Variants in TAAR2 observed in about 807,000 individuals in gnomAD.
TAAR2 encodes the protein trace amine-associated receptor 2.
TAAR2 carries 30 observed loss-of-function variants against 25.5 expected under a neutral mutation model. That is an observed-to-expected ratio of 1.18 (90% CI 0.88 to 1.60). The LOEUF (loss-of-function observed/expected upper bound fraction) is 1.60. Ranked by LOEUF, TAAR2 falls within the 40% of genes most tolerant of loss-of-function variation. The probability of loss-of-function intolerance (pLI) is 0.00; values close to 1 mark genes in which losing one functional copy is unlikely to be tolerated. For missense variants in TAAR2, 481 were observed against 416.5 expected (o/e 1.15, Z -1.35); for synonymous variants, 150 against 142.4 (o/e 1.05, Z -0.38).
chr6:132,624,247 A>G lies in TAAR2; in HGVS notation c.29T>C (p.Leu10Pro), dbSNP rs2114615224. MAVSSEQHELSHFKRTQTKK... is the reference protein window; with the variant it reads MAVSSEQHEPSHFKRTQTKK... ...TGTCTGTGTTCTTTTGAAATGTGAA[A>G]GTTCATGTTGCTCTGATGAGACAGC... is the stretch of plus-strand genomic sequence containing the variant. Residue 10 changes from leucine to proline, a missense_variant, in exon 1 of 2, where the codon CTT becomes CCT. By Grantham distance (98) the Leu-to-Pro change is moderately conservative. Transcript: ENST00000367931. 1 of 1,613,550 alleles carries G rather than the reference A, an allele frequency of 6.2e-7. No homozygotes were observed. Among genetic ancestry groups the G allele is most frequent in the Non-Finnish European group, 8.5e-7 (1 of 1,179,698 alleles).
rs535624891 is a variant in TAAR2, at chr6:132,620,335, A to G, written c.61-2190T>C. ...ATATCTGCCACCTGGGTGATTGCAT[A>G]CCACAAAATAGAAACACTACCAAAC... On this transcript the variant is annotated intron_variant, in intron 1 of 1. Transcript: ENST00000367931. Among the ~76,000 whole-genome samples the G allele has an allele frequency of 7.2e-5, 11 of 152,326 alleles. No homozygotes were observed. In the East Asian group the frequency reaches 2.1e-3, roughly 29 times the overall value.
At chr6:132,624,138 G>A in intron 1 of TAAR2, 78 bp downstream of exon 1, 1 of 1,331,748 alleles carries the variant, frequency 7.5e-7, no homozygotes, top group Non-Finnish European at 1.1e-6. Flanking sequence ...TATTATCTTT[G>A]TAAATAATTC....
intron 1 of TAAR2, among the ~76,000 whole-genome samples, chr6:132,619,717 C>G (rs535929819): frequency 6.6e-6 from 1 of 152,098 alleles, no homozygotes; most frequent in East Asian, 1.9e-4. Context: ...GATCACCTGA[C>G]CAAAAAGAGA....
intron 1 of TAAR2, among the ~76,000 whole-genome samples, chr6:132,623,034 C>G (rs1777394904): frequency 6.6e-6 from 1 of 152,126 alleles, no homozygotes; most frequent in Non-Finnish European, 1.5e-5. Context: ...TTCTTTCCCT[C>G]CCTCCTTCCT....
chr6:132,620,099 T>A (rs1041996830), intron 1 of TAAR2, among the ~76,000 whole-genome samples: 6 of 152,206 alleles, frequency 3.9e-5, no homozygotes, highest in Non-Finnish European at 8.8e-5. Context: ...ATTTGGGTAA[T>A]GATTTTTTTA....
At chr6:132,619,840 G>A (rs1777351408) in intron 1 of TAAR2, among the ~76,000 whole-genome samples, 1 of 152,180 alleles carries the variant, frequency 6.6e-6, no homozygotes, top group South Asian at 2.1e-4. Flanking sequence ...CAATGGGTGA[G>A]TAGGATTTGA....
intron 1 of TAAR2, among the ~76,000 whole-genome samples, chr6:132,623,746 A>T (rs1777408210): frequency 6.6e-6 from 1 of 152,096 alleles, no homozygotes; most frequent in Admixed American, 6.6e-5. Flanking sequence ...GTCATTCAAA[A>T]GTTTAACAGC....
At chr6:132,620,795 ATAAAAATAAAAGTTAAAAAACACACAT>A (rs1777360893) in intron 1 of TAAR2, among the ~76,000 whole-genome samples, 1 of 116,222 alleles carries the variant, frequency 8.6e-6, no homozygotes, top group Non-Finnish European at 1.7e-5. Context: ...TTAAAAAAAC[ATAAAAATAAAAGTTAAAAAACACACAT>A]TAAAAAGTAG....
In TAAR2 at chr6:132,617,739, G is replaced by T. The variant is rs373440827; in HGVS notation, c.467C>A (p.Thr156Asn). The change falls in exon 2 of 2, where the codon ACT (threonine) becomes AAT (asparagine). Residue 156 changes from threonine to asparagine, a missense_variant. Coordinates refer to ENST00000367931, the MANE Select transcript of TAAR2 (RefSeq NM_001033080.1). ...CYPLLYSTKI[T>N]IPVIKRLLLL... ...TAGCAATCTTTTAATGACTGGAATA[G>T]TTATTTTGGTGGAATAAAGTAATGG... The T allele has an allele frequency of 1.6e-5, 26 of 1,614,010 alleles. No individual in the cohort carries two copies. The highest frequency in any genetic ancestry group is 2.2e-5 in the Non-Finnish European group (26 of 1,179,984).
chr6:132,619,973 C>A (rs1165904298), intron 1 of TAAR2, among the ~76,000 whole-genome samples: 1 of 152,136 alleles, frequency 6.6e-6, no homozygotes, highest in African/African-American at 2.4e-5. Context: ...AGAGAGAATA[C>A]AAGGTGGAGG....
chr6:132,619,105 C>T lies in TAAR2; in HGVS notation c.61-960G>A, dbSNP rs576233561. 8.5e-5 allele frequency among the ~76,000 whole-genome samples: 13 copies of T among 152,306 alleles called. No homozygotes were observed. In the South Asian group the frequency reaches 2.7e-3, roughly 32 times the overall value. ...GCACAGACCAAAGCTGGACCACCCTCAGTTACTTGTGAAGAGCAAGTGTAA... is the reference window on the plus strand; with the variant it reads ...GCACAGACCAAAGCTGGACCACCCTTAGTTACTTGTGAAGAGCAAGTGTAA... On this transcript the variant is annotated intron_variant, in intron 1 of 1. Transcript: ENST00000367931.
At position 132,617,524 on chromosome 6, in the gene TAAR2, T is replaced by A; in HGVS notation, c.682A>T (p.Ile228Phe). The A allele has an allele frequency of 6.2e-7, 1 of 1,613,604 alleles. No homozygotes were observed. The change falls in exon 2 of 2, where the codon ATT becomes TTT. Residue 228 changes from isoleucine to phenylalanine, a missense_variant. Physicochemically the swap from Ile to Phe is conservative, Grantham distance 21 (BLOSUM62 0). Transcript: ENST00000367931. ...FFTPGSMMVG[I>F]YGKIFAVSRK... ...GATACTGCAAAAATTTTGCCATAAA[T>A]CCCCACCATCATAGACCCAGGAGTG...
Position 132,617,260 on chromosome 6 carries a change from C to T in TAAR2, c.946G>A (p.Gly316Ser). 1 of 1,613,588 alleles carries T rather than the reference C, an allele frequency of 6.2e-7. No homozygotes were observed. The highest frequency in any genetic ancestry group is 1.7e-5 in the Admixed American group (1 of 59,966). ...FNSTCNPLIY[G>S]FFYPWFRRAL... ...CTGCGAAACCAGGGATAGAAGAAACCATATATTAACGGATTACATGTGGAG... is the reference window on the plus strand; with the variant it reads ...CTGCGAAACCAGGGATAGAAGAAACTATATATTAACGGATTACATGTGGAG... Residue 316 changes from glycine to serine, a missense_variant, in exon 2 of 2, where the codon GGT (glycine) becomes AGT (serine). Transcript: ENST00000367931.
chr6:132,624,218 T>A lies in TAAR2; in HGVS notation c.58A>T (p.Lys20Ter). 1 of 1,613,458 alleles carries A rather than the reference T, an allele frequency of 6.2e-7. No homozygotes were observed. The highest frequency in any genetic ancestry group is 1.1e-5 in the South Asian group (1 of 91,072). The change falls in exon 1 of 2, where the codon AAG (lysine) becomes TAG (stop). Residue 20 changes from lysine (K) to a stop codon, truncating the protein, a stop_gained and splice_region_variant. Transcript: ENST00000367931. LOFTEE classifies it high-confidence loss of function. Reference protein sequence around the residue: ...LSHFKRTQTKKEKFNCSEYGN... With the variant: ...LSHFKRTQTK ...TAGTCATATGTTTAAGGGCCTACCT[T>A]TTTTGTCTGTGTTCTTTTGAAATGT...
intron 1 of TAAR2, among the ~76,000 whole-genome samples, chr6:132,621,836 A>G (rs1445714164): frequency 1.3e-5 from 2 of 152,156 alleles, no homozygotes; most frequent in Non-Finnish European, 2.9e-5. Flanking sequence ...TATTTGATGA[A>G]TTCATCAAAT....
Position 132,617,863 on chromosome 6 carries a change from A to C in TAAR2, c.343T>G (p.Phe115Val), listed in dbSNP as rs1412951041. Residue 115 changes from phenylalanine to valine, a missense_variant, in exon 2 of 2, where the codon TTT becomes GTT. Coordinates refer to ENST00000367931, the MANE Select transcript of TAAR2 (RefSeq NM_001033080.1). ...VENCWYFGLT[F>V]CKIYYSFDLM... The stretch of plus-strand genomic sequence containing the variant: ...TCAAAACTATAATAAATCTTGCAAA[A>C]TGTAAGCCCAAAATACCAGCAGTTC... 1 of 1,614,104 alleles carries C rather than the reference A, an allele frequency of 6.2e-7. No individual in the cohort carries two copies.
intron 1 of TAAR2, among the ~76,000 whole-genome samples, chr6:132,621,909 G>A (rs534635190): frequency 1.3e-5 from 2 of 152,036 alleles, no homozygotes; most frequent in Non-Finnish European, 2.9e-5. Context: ...GTTCTTTCAT[G>A]TGACATCTAT....
intron 1 of TAAR2, among the ~76,000 whole-genome samples, chr6:132,620,942 T>A (rs1162214797): frequency 1.3e-5 from 2 of 151,686 alleles, no homozygotes; most frequent in African/African-American, 4.8e-5. Flanking sequence ...TCCCTCTTGG[T>A]ACTAAGGTTT....
Position 132,623,147 on chromosome 6 carries a change from GA to G in TAAR2, c.60+1068del, listed in dbSNP as rs145898282. On this transcript the variant is annotated intron_variant, in intron 1 of 1. Transcript: ENST00000367931. ...GAAAAAGAGGAAATGGGATTGTAAG[GA>G]AAAAGGCCAGGTAACTGTCAATACT... Among the ~76,000 whole-genome samples, 1,501 of 152,202 alleles carry G rather than the reference GA, an allele frequency of 9.9e-3. 29 individuals carry two copies. Among genetic ancestry groups the G allele is most frequent in the African/African-American group, 0.033 (1,350 of 41,510 alleles).
Sources: allele counts gnomAD v4.1 joint callset (sites outside exome capture counted in the v4.1 genomes callset), GRCh38; gene constraint gnomAD v4.1.1; transcripts MANE v1.5; gene names NCBI Gene and HGNC (gene_info 2026-07-23, HGNC 2026-07-21).